The following MYO16 variants were observed in gnomAD, a reference collection of about 807,000 sequenced individuals.
MYO16 encodes the protein myosin XVI, also known as unconventional myosin-XVI.
Under a neutral mutation model 205.3 loss-of-function variants are expected in MYO16, and 94 were observed. The observed-to-expected ratio is 0.46, with a 90% CI of 0.39 to 0.54. MYO16 has a LOEUF of 0.54. Among genes scored for constraint, MYO16 ranks in the 20% least tolerant of loss-of-function variants. The pLI, the probability that MYO16 is intolerant of heterozygous loss-of-function variation, is 0.00. For synonymous variants in MYO16, 988 were observed against 954.0 expected (o/e 1.04, Z -0.66); for missense variants, 2,315 against 2,387.5 (o/e 0.97, Z 0.63).
chr13:109,162,879 A>G lies in MYO16; in HGVS notation c.5165-2022A>G, dbSNP rs542513017. 3.0e-4 allele frequency among the ~76,000 whole-genome samples: 46 copies of G among 152,316 alleles called. No individual in the cohort carries two copies. The highest frequency in any genetic ancestry group is 1.1e-3 in the African/African-American group (44 of 41,566). On this transcript the variant is annotated intron_variant, in intron 32 of 34. Coordinates refer to ENST00000457511, the MANE Select transcript of MYO16 (RefSeq NM_001198950.3). The surrounding 1 kb of genome is among the most constrained non-coding windows in gnomAD (Gnocchi z 4.6). ...AAAAAAAGCCAAACTAGAGTTGACC[A>G]CATTGAATAAGTATTCTTTCAGTTT...
intron 16 of MYO16, among the ~76,000 whole-genome samples, chr13:108,954,859 T>C (rs1883287759): frequency 2.0e-5 from 3 of 152,156 alleles, no homozygotes; most frequent in Non-Finnish European, 4.4e-5. Context: ...CCTTTTCCTG[T>C]TCCACTGCTC....
chr13:109,058,918 C>T (rs1887500093), intron 27 of MYO16, among the ~76,000 whole-genome samples: 1 of 152,152 alleles, frequency 6.6e-6, no homozygotes, highest in Non-Finnish European at 1.5e-5. Flanking sequence ...GTCATTTCAA[C>T]AATGTTCACA....
At chr13:108,933,980 T>G (rs919335681) in intron 16 of MYO16, among the ~76,000 whole-genome samples, 2 of 152,210 alleles carry the variant, frequency 1.3e-5, no homozygotes, top group African/African-American at 4.8e-5. Flanking sequence ...ATGTACCACA[T>G]TTTCTTTATT....
intron 12 of MYO16, among the ~76,000 whole-genome samples, chr13:108,882,069 A>C (rs1879642530): frequency 6.6e-6 from 1 of 152,224 alleles, no homozygotes; most frequent in Admixed American, 6.5e-5. Flanking sequence ...GCCCACAAAG[A>C]GAAGCCCATC....
At chr13:109,006,528 C>A (rs1885391864) in intron 21 of MYO16, among the ~76,000 whole-genome samples, 2 of 152,210 alleles carry the variant, frequency 1.3e-5, no homozygotes, top group South Asian at 4.1e-4. Context: ...GTGTGAGCCA[C>A]TGCACCTGGC....
intron 4 of MYO16, among the ~76,000 whole-genome samples, chr13:108,730,033 A>G (rs1482976997): frequency 1.3e-5 from 2 of 152,158 alleles, no homozygotes; most frequent in Non-Finnish European, 2.9e-5. Flanking sequence ...CAGTATCTAT[A>G]AGTACATGAA....
chr13:109,098,069 G>A (rs1380661557), intron 27 of MYO16, among the ~76,000 whole-genome samples: 1 of 152,316 alleles, frequency 6.6e-6, no homozygotes, highest in Middle Eastern at 3.4e-3. Context: ...TCATAGTCCT[G>A]GAGGGTGGAA....
At chr13:108,496,520 C>A in the MYO16 span, among the ~76,000 whole-genome samples, 16 of 152,200 alleles carry the variant, frequency 1.1e-4, no homozygotes, top group Non-Finnish European at 4.4e-5. Context: ...CAGAGGCCGG[C>A]GGCCAAGTGA....
At position 108,602,178 on chromosome 13, in the gene MYO16, G is replaced by T. The variant is rs553100674; in HGVS notation, c.-39+5939G>T. ...CAGGTCTGCCAGTGCCTTGATCCGGGACTTCCCAGCCTCACAACTCTGAGA... is the reference window on the plus strand; with the variant it reads ...CAGGTCTGCCAGTGCCTTGATCCGGTACTTCCCAGCCTCACAACTCTGAGA... On this transcript the variant is annotated intron_variant, in intron 1 of 24. Transcript: ENST00000251041. Among the ~76,000 whole-genome samples the T allele has an allele frequency of 6.0e-5, 9 of 150,916 alleles. No homozygotes were observed. In the East Asian group the frequency reaches 1.2e-3, roughly 20 times the overall value.
At chr13:108,550,941 A>G in the MYO16 span, among the ~76,000 whole-genome samples, 1 of 152,234 alleles carries the variant, frequency 6.6e-6, no homozygotes, top group African/African-American at 2.4e-5. Flanking sequence ...TTTGATAAAT[A>G]TTAAGGTCAG....
At chr13:109,179,953 A>C (rs1332631889) in intron 34 of MYO16, among the ~76,000 whole-genome samples, 1 of 152,190 alleles carries the variant, frequency 6.6e-6, no homozygotes, top group Non-Finnish European at 1.5e-5. Flanking sequence ...CTGCTGAATG[A>C]AGTTGCTATG....
the MYO16 span, among the ~76,000 whole-genome samples, chr13:108,582,915 A>C: frequency 6.6e-6 from 1 of 152,300 alleles, no homozygotes; most frequent in South Asian, 2.1e-4. Flanking sequence ...ATTCACCCCA[A>C]ATTGGAGTTA....
At chr13:108,896,248 T>C (rs1880407528) in intron 14 of MYO16, among the ~76,000 whole-genome samples, 1 of 152,334 alleles carries the variant, frequency 6.6e-6, no homozygotes, top group South Asian at 2.1e-4. Context: ...AATTGTTTAA[T>C]GTAATATTAT....
chr13:108,858,987 C>G (rs1162621801), intron 11 of MYO16, among the ~76,000 whole-genome samples: 2 of 152,150 alleles, frequency 1.3e-5, no homozygotes, highest in Non-Finnish European at 2.9e-5. Context: ...ATTCCTCCCT[C>G]CCTTCAGGTC....
chr13:108,626,863 A>G (rs1408451730), upstream of MYO16, among the ~76,000 whole-genome samples: 1 of 147,246 alleles, frequency 6.8e-6, no homozygotes, highest in East Asian at 1.9e-4. Context: ...ATATATGTAT[A>G]TTATACATGT....
At chr13:109,173,401 A>T (rs1013645420) in intron 33 of MYO16, among the ~76,000 whole-genome samples, 17 of 152,194 alleles carry the variant, frequency 1.1e-4, no homozygotes, top group African/African-American at 3.4e-4. Context: ...GTGGGCTGGG[A>T]TTGCTAAGGA....
chr13:108,786,766 C>T (rs1886469421), intron 5 of MYO16, among the ~76,000 whole-genome samples: 1 of 152,174 alleles, frequency 6.6e-6, no homozygotes, highest in South Asian at 2.1e-4. Flanking sequence ...CATTGCCGTG[C>T]TGCTCACATC....
At chr13:108,516,149 C>A in the MYO16 span, among the ~76,000 whole-genome samples, 1 of 151,998 alleles carries the variant, frequency 6.6e-6, no homozygotes, top group African/African-American at 2.4e-5. Context: ...GTAGGACCCT[C>A]TGAGCCAGGT....
rs774011690 is a variant in MYO16, at chr13:108,823,150, G to A, written c.969G>A (p.Glu323=). Residue 323 remains glutamate (E), a synonymous_variant, in exon 9 of 35, where the codon GAG becomes GAA. Coordinates refer to ENST00000457511, the MANE Select transcript of MYO16 (RefSeq NM_001198950.3). ...ASDIAASEFI[E]EMLLKAEIAW... ...ATATTGCTGCCTCTGAGTTTATTGA[G>A]GAAATGCTGCTGAAAGCCGAAATTG... 1.2e-6 allele frequency: 2 copies of A among 1,611,220 alleles called. No individual in the cohort carries two copies. The highest frequency in any genetic ancestry group is 1.7e-5 in the Admixed American group (1 of 59,942).
Sources: allele counts gnomAD v4.1 joint callset (sites outside exome capture counted in the v4.1 genomes callset), GRCh38; gene constraint gnomAD v4.1.1; non-coding constraint Gnocchi (gnomAD v3.1); transcripts MANE v1.5; gene names NCBI Gene and HGNC (gene_info 2026-07-23, HGNC 2026-07-21).